The following MEIS2 variants were observed in gnomAD, a reference collection of about 807,000 sequenced individuals.
MEIS2 encodes the protein Meis homeobox 2.
Under a neutral mutation model 58.6 loss-of-function variants are expected in MEIS2, and 9 were observed. That is an observed-to-expected ratio of 0.15 (90% CI 0.09 to 0.27). MEIS2 has a LOEUF of 0.27. MEIS2 is among the 10% of genes least tolerant of loss of function. MEIS2 has a pLI of 1.00. For synonymous variants in MEIS2, 221 were observed against 228.4 expected (o/e 0.97, Z 0.29); for missense variants, 427 against 635.0 (o/e 0.67, Z 3.52).
chr15:36,994,806 G>A (rs181841741), intron 8 of MEIS2, among the ~76,000 whole-genome samples: 91 of 152,240 alleles, frequency 6.0e-4, no homozygotes, highest in Non-Finnish European at 1.2e-3. Flanking sequence ...TTTAAAGTGC[G>A]TTTTTTCTTT....
rs80257628 is a variant in MEIS2 at position 36,968,511 on chromosome 15, G to A, written c.901-18111C>T. ...GGAGAGGCGATTAAAGTTAAGAGGCGAGGCCTGGGAAGAGATTGCATAAAG... is the reference window on the plus strand; with the variant it reads ...GGAGAGGCGATTAAAGTTAAGAGGCAAGGCCTGGGAAGAGATTGCATAAAG... On this transcript the variant is annotated intron_variant, in intron 8 of 11. Transcript: ENST00000561208. Among the ~76,000 whole-genome samples, 6 of 152,156 alleles carry A rather than the reference G, an allele frequency of 3.9e-5. No homozygotes were observed. In the South Asian group the frequency reaches 6.2e-4, roughly 16 times the overall value.
chr15:37,051,378 T>A (rs1333701618), intron 7 of MEIS2, among the ~76,000 whole-genome samples: 3 of 152,178 alleles, frequency 2.0e-5, no homozygotes, highest in Non-Finnish European at 4.4e-5. Context: ...ACATACTGTA[T>A]GATTTCAAAT....
At chr15:36,944,079 A>T (rs1236776320) in intron 9 of MEIS2, among the ~76,000 whole-genome samples, 3 of 151,968 alleles carry the variant, frequency 2.0e-5, no homozygotes, top group African/African-American at 7.3e-5. Flanking sequence ...TCAGTGTGGG[A>T]ATTTCATGAA....
Position 37,094,904 on chromosome 15 carries a change from C to T in MEIS2, c.439-327G>A, listed in dbSNP as rs76963948. ...CTCCTCTTAGTCCTCTTTAAACATC[C>T]CCTCCCTCGACCTCAGGACAACTTT... On this transcript the variant is annotated intron_variant, in intron 4 of 11. Transcript: ENST00000561208. The T allele has an allele frequency of 2.4e-3, 433 of 181,996 alleles. 10 individuals are homozygous for T. The East Asian group carries it at 0.04, about 17-fold the overall frequency. 11.3% of individuals were successfully genotyped at this position (181,996 alleles called of 1,614,324 possible).
chr15:37,095,563 C>T lies in MEIS2; in HGVS notation c.438+1G>A. 6.2e-7 allele frequency: 1 copy of T among 1,614,158 alleles called. No individual in the cohort carries two copies. The highest frequency in any genetic ancestry group is 8.5e-7 in the Non-Finnish European group (1 of 1,180,014). ...GAAAAACAAGGAACAGAGAGCCTTA[C>T]CAAATTGTCCAGCTCTGGATTTGAG... On this transcript the variant is annotated splice_donor_variant, in intron 4 of 11. Coordinates refer to ENST00000561208, the MANE Select transcript of MEIS2 (RefSeq NM_170675.5). LOFTEE classifies it high-confidence loss of function.
intron 7 of MEIS2, among the ~76,000 whole-genome samples, chr15:37,063,808 C>G (rs1425144885): frequency 6.6e-6 from 1 of 152,160 alleles, no homozygotes; most frequent in East Asian, 1.9e-4. Context: ...TCACATATCA[C>G]ATTAGCTTTT....
intron 7 of MEIS2, among the ~76,000 whole-genome samples, chr15:37,055,412 G>A (rs1388327433): frequency 6.6e-6 from 1 of 152,148 alleles, no homozygotes; most frequent in Admixed American, 6.5e-5. Flanking sequence ...TTCCCTGTGT[G>A]TGTGTGTTTT....
At chr15:36,986,582 C>T (rs1321185438) in intron 8 of MEIS2, among the ~76,000 whole-genome samples, 1 of 152,188 alleles carries the variant, frequency 6.6e-6, no homozygotes, top group South Asian at 2.1e-4. Flanking sequence ...AGTAGTCTGG[C>T]AGTTCTCTCC....
In MEIS2 at chr15:37,096,396, C is replaced by T. The variant is rs1894253906; in HGVS notation, c.280G>A (p.Glu94Lys). The change falls in exon 3 of 12, where the codon GAG (glutamate) becomes AAG (lysine). Residue 94 changes from glutamate to lysine, a missense_variant. By Grantham distance (56) the Glu-to-Lys change is moderately conservative (BLOSUM62 1). Transcript: ENST00000561208. The stretch of plus-strand genomic sequence containing the variant: ...GTGCAGGTCGCCAGCTCGCACTTCT[C>T]AAAGACCAGAGCTAACAGAGGAAAC... ...PLFPLLALVFEKCELATCTPR... is the reference protein window; with the variant it reads ...PLFPLLALVFKKCELATCTPR... 6.2e-7 allele frequency: 1 copy of T among 1,614,018 alleles called. No homozygotes were observed. Among genetic ancestry groups the T allele is most frequent in the Non-Finnish European group, 8.5e-7 (1 of 1,179,994 alleles).
At chr15:37,070,924 T>C (rs1890618914) in intron 7 of MEIS2, among the ~76,000 whole-genome samples, 2 of 152,080 alleles carry the variant, frequency 1.3e-5, no homozygotes, top group Non-Finnish European at 2.9e-5. Flanking sequence ...GAATATCCAG[T>C]CTTTCAAACA....
intron 8 of MEIS2, among the ~76,000 whole-genome samples, chr15:37,029,079 A>C (rs2061811741): frequency 6.6e-6 from 1 of 152,354 alleles, no homozygotes; most frequent in South Asian, 2.1e-4. Flanking sequence ...AGATGACACC[A>C]GTTCAGACGA....
intron 7 of MEIS2, among the ~76,000 whole-genome samples, chr15:37,076,854 T>A (rs1891489255): frequency 6.6e-6 from 1 of 152,076 alleles, no homozygotes; most frequent in African/African-American, 2.4e-5. Flanking sequence ...TGTAAGCAAT[T>A]CACAGCATTG....
intron 7 of MEIS2, among the ~76,000 whole-genome samples, chr15:37,044,849 G>A (rs1423091040): frequency 6.6e-6 from 1 of 152,148 alleles, no homozygotes; most frequent in East Asian, 1.9e-4. Context: ...TTGCGTTTCT[G>A]ATTCCCAAGC....
chr15:37,011,657 T>C (rs2061163928), intron 8 of MEIS2, among the ~76,000 whole-genome samples: 1 of 112,412 alleles, frequency 8.9e-6, no homozygotes, highest in Non-Finnish European at 1.7e-5. Flanking sequence ...TCTCATTCTG[T>C]CACCCAGGCT....
At chr15:37,095,467 T>A in intron 4 of MEIS2, 97 bp downstream of exon 4, 1 of 1,577,014 alleles carries the variant, frequency 6.3e-7, no homozygotes, top group South Asian at 1.1e-5. Context: ...CAAAAGAGGG[T>A]TCTGTTCTAA....
intron 9 of MEIS2, among the ~76,000 whole-genome samples, chr15:36,941,573 T>C (rs762262064): frequency 1.1e-4 from 16 of 152,166 alleles, no homozygotes; most frequent in Non-Finnish European, 1.9e-4. Flanking sequence ...GTAGCATGTG[T>C]TTTATAATTT....
At position 36,926,156 on chromosome 15, in the gene MEIS2, T is replaced by A. The variant is rs549205056; in HGVS notation, c.977+24168A>T. 3.5e-5 allele frequency among the ~76,000 whole-genome samples: 5 copies of A among 144,576 alleles called. No individual in the cohort carries two copies. The South Asian group carries it at 9.0e-4, about 26-fold the overall frequency. The allele number at this position is 144,576 out of a possible 152,430, so 94.8% of individuals were successfully genotyped here. ...GAAAATGAAAGTATATTTCATTTCC[T>A]TTTTTTTTTTTTCTTGAAAGGTCAC... On this transcript the variant is annotated intron_variant, in intron 9 of 11. Transcript: ENST00000561208.
intron 7 of MEIS2, among the ~76,000 whole-genome samples, chr15:37,045,294 G>A (rs1033526606): frequency 2.6e-5 from 4 of 152,182 alleles, no homozygotes; most frequent in African/African-American, 9.6e-5. Context: ...GGTATTTTAT[G>A]GACTAATTTT....
At position 36,920,118 on chromosome 15, in the gene MEIS2, TTTTATTTATTTA is replaced by T. The variant is rs199959581; in HGVS notation, c.978-23444_978-23433del. 5.5e-3 allele frequency among the ~76,000 whole-genome samples: 735 copies of T among 134,718 alleles called. 10 individuals are homozygous for T. Among genetic ancestry groups the T allele is most frequent in the Middle Eastern group, 0.016 (4 of 248 alleles). The allele number at this position is 134,718 out of a possible 152,430, so 88.4% of individuals were successfully genotyped here. A position where few individuals can be genotyped will look rare whatever the true frequency, so the allele number is the denominator to read the frequency against. ...AGCAACACTTAGCAACCTATACTGCTTTTATTTATTTATTTATTTATTTATTTATTTATTTAT... is the reference window on the plus strand; with the variant it reads ...AGCAACACTTAGCAACCTATACTGCTTTTATTTATTTATTTATTTATTTAT... On this transcript the variant is annotated intron_variant, in intron 9 of 11. Coordinates refer to ENST00000561208, the MANE Select transcript of MEIS2 (RefSeq NM_170675.5).
Sources: allele counts gnomAD v4.1 joint callset (sites outside exome capture counted in the v4.1 genomes callset), GRCh38; gene constraint gnomAD v4.1.1; transcripts MANE v1.5; gene names NCBI Gene and HGNC (gene_info 2026-07-23, HGNC 2026-07-21).